Variants in CDC73 observed in about 807,000 individuals in gnomAD.
CDC73 encodes the protein cell division cycle 73, also known as parafibromin.
In CDC73, 21 loss-of-function variants were observed where a neutral mutation model predicts 83.7. The observed-to-expected ratio is 0.25, with a 90% CI of 0.18 to 0.36. The LOEUF (loss-of-function observed/expected upper bound fraction) is 0.36. CDC73 is among the 10% of genes least tolerant of loss of function. The probability of loss-of-function intolerance (pLI) is 1.00; values close to 1 mark genes in which losing one functional copy is unlikely to be tolerated. For missense variants in CDC73, 342 were observed against 653.3 expected, an observed-to-expected ratio of 0.52 and a Z score of 5.19; for synonymous variants, 224 against 212.9, an observed-to-expected ratio of 1.05 and a Z score of -0.45.
At chr1:193,146,098 T>A (rs1675995806) in intron 7 of CDC73, among the ~76,000 whole-genome samples, 1 of 152,106 alleles carries the variant, frequency 6.6e-6, no homozygotes, top group Non-Finnish European at 1.5e-5. Context: ...CAGAATGCCT[T>A]GTTTAAAGAA....
At chr1:193,243,133 A>G (rs941677886) in intron 15 of CDC73, among the ~76,000 whole-genome samples, 2 of 151,906 alleles carry the variant, frequency 1.3e-5, no homozygotes, top group African/African-American at 4.8e-5. Flanking sequence ...TGTAGTAGAG[A>G]CGGGGTTTCA....
At chr1:193,154,763 C>G (rs368839016) in intron 10 of CDC73, among the ~76,000 whole-genome samples, 2 of 152,094 alleles carry the variant, frequency 1.3e-5, no homozygotes, top group African/African-American at 2.4e-5. Flanking sequence ...CTCAGACTTA[C>G]GTTTTCAATT....
chr1:193,137,667 T>C (rs1675824402), intron 5 of CDC73, among the ~76,000 whole-genome samples: 1 of 152,136 alleles, frequency 6.6e-6, no homozygotes, highest in Non-Finnish European at 1.5e-5. Flanking sequence ...TTAGTGCTAA[T>C]GGATTCAGGA....
intron 13 of CDC73, among the ~76,000 whole-genome samples, chr1:193,229,762 A>G (rs989956431): frequency 2.0e-5 from 3 of 152,248 alleles, no homozygotes; most frequent in Non-Finnish European, 4.4e-5. Context: ...CACAGCAGGT[A>G]TGATTATCAG....
At chr1:193,152,502 A>G in intron 10 of CDC73, 58 bp downstream of exon 10, 5 of 1,065,712 alleles carry the variant, frequency 4.7e-6, no homozygotes, top group Non-Finnish European at 7.3e-6. Context: ...TGAGTAGCAC[A>G]TGTTGAAGTA....
At chr1:193,136,460 G>C (rs1404920365) in intron 5 of CDC73, 1 of 271,368 alleles carries the variant, frequency 3.7e-6, no homozygotes, top group Non-Finnish European at 8.5e-6. Flanking sequence ...TCTATGCTAT[G>C]TGTTATTCTA....
At chr1:193,128,897 A>C (rs1298137777) in intron 2 of CDC73, among the ~76,000 whole-genome samples, 5 of 151,894 alleles carry the variant, frequency 3.3e-5, no homozygotes, top group Non-Finnish European at 5.9e-5. Flanking sequence ...GTTAGCTACC[A>C]ATTTTTCTTG....
chr1:193,157,390 A>G (rs1676226511), intron 10 of CDC73, among the ~76,000 whole-genome samples: 1 of 152,206 alleles, frequency 6.6e-6, no homozygotes, highest in Non-Finnish European at 1.5e-5. Flanking sequence ...GGAGTCATTC[A>G]TTGTGCCAAT....
intron 10 of CDC73, among the ~76,000 whole-genome samples, chr1:193,202,496 A>G (rs897436585): frequency 1.3e-5 from 2 of 152,080 alleles, no homozygotes; most frequent in African/African-American, 4.8e-5. Context: ...TACAAACAAT[A>G]CATCTATGAA....
At chr1:193,182,881 G>A (rs1231068139) in intron 10 of CDC73, among the ~76,000 whole-genome samples, 2 of 151,964 alleles carry the variant, frequency 1.3e-5, no homozygotes, top group African/African-American at 4.8e-5. Context: ...TGATGAATAT[G>A]TAATTTTAAT....
chr1:193,129,125 G>A (rs1675643704), intron 2 of CDC73, among the ~76,000 whole-genome samples: 1 of 151,642 alleles, frequency 6.6e-6, no homozygotes, highest in Non-Finnish European at 1.5e-5. Context: ...AGCCTCCCGA[G>A]TAGCAGGGAC....
intron 7 of CDC73, among the ~76,000 whole-genome samples, chr1:193,142,733 C>T (rs1298343822): frequency 6.6e-6 from 1 of 151,812 alleles, no homozygotes; most frequent in African/African-American, 2.4e-5. Flanking sequence ...TGTACACGTA[C>T]CTTTGTGTGT....
At chr1:193,165,695 T>A (rs1676423997) in intron 10 of CDC73, among the ~76,000 whole-genome samples, 1 of 152,248 alleles carries the variant, frequency 6.6e-6, no homozygotes, top group South Asian at 2.1e-4. Flanking sequence ...AAATAATTAG[T>A]CTTTTTCTCT....
chr1:193,201,202 A>G (rs1165999591), intron 10 of CDC73, among the ~76,000 whole-genome samples: 1 of 152,064 alleles, frequency 6.6e-6, no homozygotes, highest in Non-Finnish European at 1.5e-5. Context: ...TTTTTTTTCT[A>G]TTGCAACAGA....
At chr1:193,193,573 TAGTG>T (rs1219740685) in intron 10 of CDC73, among the ~76,000 whole-genome samples, 2 of 152,310 alleles carry the variant, frequency 1.3e-5, no homozygotes, top group Non-Finnish European at 2.9e-5. Flanking sequence ...TGCTGAGTTT[TAGTG>T]AGCCAAAAAA....
chr1:193,238,612 T>C (rs74130939), intron 15 of CDC73, among the ~76,000 whole-genome samples: 6,312 of 152,300 alleles, frequency 0.041, 424 homozygotes, highest in African/African-American at 0.14. Flanking sequence ...AACTCCCATA[T>C]AACTTTTGAC....
At chr1:193,166,379 G>T (rs1227634901) in intron 10 of CDC73, among the ~76,000 whole-genome samples, 1 of 152,086 alleles carries the variant, frequency 6.6e-6, no homozygotes, top group African/African-American at 2.4e-5. Flanking sequence ...GGTCTCTAAC[G>T]ATCCTCCTGC....
chr1:193,196,126 CTT>C lies in CDC73; in HGVS notation c.973-7668_973-7667del, dbSNP rs1279664524. ...TTCTAAGAGTTTTATAGTTTTCACT[CTT>C]AAGTTTAGTCTTTTGATCCTTTTTG... On this transcript the variant is annotated intron_variant, in intron 10 of 16. Coordinates refer to ENST00000367435, the MANE Select transcript of CDC73 (RefSeq NM_024529.5). 6.6e-5 allele frequency among the ~76,000 whole-genome samples: 10 copies of C among 152,230 alleles called. No homozygotes were observed. The East Asian group carries it at 1.9e-3, about 29-fold the overall frequency.
chr1:193,184,259 A>C (rs1676767929), intron 10 of CDC73, among the ~76,000 whole-genome samples: 1 of 151,938 alleles, frequency 6.6e-6, no homozygotes, highest in Admixed American at 6.6e-5. Flanking sequence ...TTATTAAAAG[A>C]TTCTCAGGTC....
Sources: gnomAD v4.1 joint callset for allele counts (sites outside exome capture counted in the v4.1 genomes callset) on GRCh38, gnomAD v4.1.1 for gene constraint, MANE v1.5 for transcripts, NCBI Gene and HGNC (gene_info 2026-07-23, HGNC 2026-07-21) for gene names.